Variants in MEGF11 observed in about 807,000 individuals in gnomAD.
MEGF11 encodes the protein multiple epidermal growth factor-like domains protein 11.
Under a neutral mutation model 146.6 loss-of-function variants are expected in MEGF11, and 126 were observed. The ratio of observed to expected loss-of-function variants is 0.86; its 90% CI spans 0.74 to 1.00. The LOEUF is 1.00. Among genes scored for constraint, MEGF11 ranks in the 50% least tolerant of loss-of-function variants. The pLI, the probability that MEGF11 is intolerant of heterozygous loss-of-function variation, is 0.00. For missense variants in MEGF11, 1,509 were observed against 1,521.2 expected (o/e 0.99, Z 0.13); for synonymous variants, 532 against 583.4 (o/e 0.91, Z 1.27).
chr15:66,053,299 C>A (rs761590910), intron 5 of MEGF11, among the ~76,000 whole-genome samples: 37 of 152,148 alleles, frequency 2.4e-4, no homozygotes, highest in Non-Finnish European at 4.6e-4. Flanking sequence ...GTACTAACAT[C>A]CTTGCCTGTT....
At chr15:66,238,424 G>A (rs1158853320) in intron 1 of MEGF11, among the ~76,000 whole-genome samples, 1 of 152,182 alleles carries the variant, frequency 6.6e-6, no homozygotes, top group South Asian at 2.1e-4. Flanking sequence ...TTTCAATGAG[G>A]AGACAGGGAA....
chr15:66,192,377 C>T (rs1202323387), intron 1 of MEGF11, among the ~76,000 whole-genome samples: 2 of 151,240 alleles, frequency 1.3e-5, no homozygotes, highest in South Asian at 2.1e-4. Flanking sequence ...GGCTGAGGCA[C>T]GAGACTCGTT....
intron 1 of MEGF11, among the ~76,000 whole-genome samples, chr15:66,152,286 A>AT (rs2089598772): frequency 6.6e-6 from 1 of 152,104 alleles, no homozygotes. Context: ...GAGGGTAGGA[A>AT]GGGCAAGAAA....
chr15:65,916,994 CAG>C (rs767902876), intron 16 of MEGF11, 38 bp from the exon 17 acceptor site: 69 of 1,450,952 alleles, frequency 4.8e-5, no homozygotes, highest in Non-Finnish European at 3.2e-5. Context: ...GAGGGGAAGG[CAG>C]AGAGGGGCAG....
At chr15:66,085,954 A>C (rs1251426004) in intron 5 of MEGF11, among the ~76,000 whole-genome samples, 2 of 152,238 alleles carry the variant, frequency 1.3e-5, no homozygotes, top group Non-Finnish European at 2.9e-5. Flanking sequence ...TAGTCAAGGA[A>C]ATAAATAAAG....
chr15:66,210,680 A>C (rs1484502297), intron 1 of MEGF11, among the ~76,000 whole-genome samples: 1 of 152,178 alleles, frequency 6.6e-6, no homozygotes, highest in African/African-American at 2.4e-5. Flanking sequence ...AGGGACTTTC[A>C]AGATCATCTG....
rs2078362031 is a variant in MEGF11, at chr15:65,896,531, G to A, written c.*1403C>T. 1 of 152,640 alleles carries A rather than the reference G, an allele frequency of 6.6e-6. No homozygotes were observed. Among genetic ancestry groups the A allele is most frequent in the African/African-American group, 2.4e-5 (1 of 41,448 alleles). 9.5% of individuals were successfully genotyped at this position (152,640 alleles called of 1,614,324 possible). A position where few individuals can be genotyped will look rare whatever the true frequency, so the allele number is the denominator to read the frequency against. On this transcript the variant is annotated 3_prime_UTR_variant, in exon 26 of 26. Coordinates refer to ENST00000395614, the MANE Select transcript of MEGF11 (RefSeq NM_001385028.1). ...GTTTTTTACTGGCTGGACTGTACCA[G>A]TGAATAGAGTGGTACAGGAGTAGCC...
chr15:66,113,110 G>C (rs1319464496), intron 4 of MEGF11, among the ~76,000 whole-genome samples: 2 of 151,986 alleles, frequency 1.3e-5, no homozygotes, highest in African/African-American at 4.8e-5. Context: ...CTGACCCCCT[G>C]CCCAACCCCC....
At chr15:65,980,240 C>G (rs1322194198) in intron 7 of MEGF11, among the ~76,000 whole-genome samples, 2 of 152,186 alleles carry the variant, frequency 1.3e-5, no homozygotes, top group African/African-American at 4.8e-5. Context: ...AGACCACAGG[C>G]TCAGAGAGGT....
At position 65,987,434 on chromosome 15, in the gene MEGF11, C is replaced by T. The variant is rs138389349; in HGVS notation, c.395-4946G>A. Among the ~76,000 whole-genome samples, 144 of 152,188 alleles carry T rather than the reference C, an allele frequency of 9.5e-4. 1 individual carries two copies. Among genetic ancestry groups the T allele is most frequent in the African/African-American group, 3.3e-3 (137 of 41,500 alleles). ...GGTCCTAGGTTTTCCACGACTGGCCCTATTTCCCAAAATTTTATTCTCTTA... is the reference window on the plus strand; with the variant it reads ...GGTCCTAGGTTTTCCACGACTGGCCTTATTTCCCAAAATTTTATTCTCTTA... On this transcript the variant is annotated intron_variant, in intron 5 of 25. Coordinates refer to ENST00000395614, the MANE Select transcript of MEGF11 (RefSeq NM_001385028.1).
At chr15:65,937,061 T>C (rs775845289) in intron 10 of MEGF11, among the ~76,000 whole-genome samples, 4 of 152,208 alleles carry the variant, frequency 2.6e-5, no homozygotes, top group Non-Finnish European at 4.4e-5. Context: ...CAAGACCTTC[T>C]GAGCTGAACA....
chr15:66,203,055 C>T (rs771598773), intron 1 of MEGF11, among the ~76,000 whole-genome samples: 1 of 152,132 alleles, frequency 6.6e-6, no homozygotes, highest in African/African-American at 2.4e-5. Context: ...GTTCACCGTC[C>T]GAGGAGAGGA....
At chr15:65,960,047 A>G (rs2080802736) in intron 9 of MEGF11, among the ~76,000 whole-genome samples, 1 of 152,244 alleles carries the variant, frequency 6.6e-6, no homozygotes, top group Non-Finnish European at 1.5e-5. Context: ...CAAGTGAAAT[A>G]AGCACTTTGT....
rs60753129 is a variant in MEGF11, at chr15:66,171,577, C to T, written c.-8-43166G>A. Among the ~76,000 whole-genome samples, 205 of 152,208 alleles carry T rather than the reference C, an allele frequency of 1.3e-3. 1 individual carries two copies. Among genetic ancestry groups the T allele is most frequent in the African/African-American group, 4.7e-3 (195 of 41,524 alleles). On this transcript the variant is annotated intron_variant, in intron 1 of 25. Transcript: ENST00000395614. ...CCTGCATTCTGGGTCACCCTGTGCACGTCTCCAGAGGCTCTCTCTAGCTTG... is the reference window on the plus strand; with the variant it reads ...CCTGCATTCTGGGTCACCCTGTGCATGTCTCCAGAGGCTCTCTCTAGCTTG...
intron 4 of MEGF11, among the ~76,000 whole-genome samples, chr15:66,106,029 T>G (rs984788150): frequency 2.0e-5 from 3 of 152,202 alleles, no homozygotes; most frequent in African/African-American, 7.2e-5. Context: ...GCTTCTGCCC[T>G]TGGTTCCAGG....
At chr15:66,162,568 A>G (rs2089981514) in intron 1 of MEGF11, among the ~76,000 whole-genome samples, 1 of 152,238 alleles carries the variant, frequency 6.6e-6, no homozygotes, top group Non-Finnish European at 1.5e-5. Flanking sequence ...GTTCAAGAAC[A>G]GGCAAAAGTA....
chr15:66,144,130 A>G (rs1480659927), intron 1 of MEGF11, among the ~76,000 whole-genome samples: 2 of 152,184 alleles, frequency 1.3e-5, no homozygotes, highest in East Asian at 1.9e-4. Flanking sequence ...CTAAGCCACT[A>G]TGCCCACCCT....
In MEGF11 at chr15:66,203,404, G is replaced by A. The variant is rs2091220470; in HGVS notation, c.-9+50201C>T. Reference sequence around the variant, plus strand: ...TGAGTCAATTTTTGTTCTTTCATTTGGAACTGGCAACTGAGGCCTTCTAGT... The same window carrying A: ...TGAGTCAATTTTTGTTCTTTCATTTAGAACTGGCAACTGAGGCCTTCTAGT... On this transcript the variant is annotated intron_variant, in intron 1 of 25. Transcript: ENST00000395614. 2.0e-5 allele frequency among the ~76,000 whole-genome samples: 3 copies of A among 152,326 alleles called. No individual in the cohort carries two copies. The South Asian group carries it at 6.2e-4, about 32-fold the overall frequency.
chr15:65,963,657 GTTGAATGAATGACCGA>G (rs1410130612), intron 9 of MEGF11, among the ~76,000 whole-genome samples: 1 of 152,238 alleles, frequency 6.6e-6, no homozygotes, highest in African/African-American at 2.4e-5. Context: ...CTCAGTGTTT[GTTGAATGAATGACCGA>G]GTGAATGAAT....
Sources: gnomAD v4.1 joint callset for allele counts (sites outside exome capture counted in the v4.1 genomes callset) on GRCh38, gnomAD v4.1.1 for gene constraint, MANE v1.5 for transcripts, NCBI Gene and HGNC (gene_info 2026-07-23, HGNC 2026-07-21) for gene names.